The following NLGN1 variants were observed in gnomAD, a reference collection of about 807,000 sequenced individuals.
NLGN1 encodes neuroligin-1.
In NLGN1, 12 loss-of-function variants were observed where a neutral mutation model predicts 65.5. That is an observed-to-expected ratio of 0.18 (90% CI 0.12 to 0.30). The LOEUF (loss-of-function observed/expected upper bound fraction) is 0.30. NLGN1 is among the 10% of genes least tolerant of loss of function. The pLI, the probability that NLGN1 is intolerant of heterozygous loss-of-function variation, is 1.00. For synonymous variants in NLGN1, 350 were observed against 359.5 expected (o/e 0.97, Z 0.30); for missense variants, 750 against 1,007.1 (o/e 0.74, Z 3.46).
intron 4 of NLGN1, among the ~76,000 whole-genome samples, chr3:174,040,962 C>A (rs1579944685): frequency 6.6e-6 from 1 of 152,072 alleles, no homozygotes; most frequent in Non-Finnish European, 1.5e-5. Flanking sequence ...AACTATAATT[C>A]AATATTTTTT....
chr3:173,916,986 C>T (rs945109750), intron 4 of NLGN1, among the ~76,000 whole-genome samples: 1 of 152,140 alleles, frequency 6.6e-6, no homozygotes, highest in Admixed American at 6.6e-5. Flanking sequence ...CTTCAGACTA[C>T]AATTGCTGAA....
intron 4 of NLGN1, among the ~76,000 whole-genome samples, chr3:174,068,757 ATCT>A (rs1400080443): frequency 6.6e-6 from 1 of 152,198 alleles, no homozygotes; most frequent in East Asian, 1.9e-4. Flanking sequence ...AATCTCAATA[ATCT>A]TCTGCTTCAT....
intron 4 of NLGN1, among the ~76,000 whole-genome samples, chr3:174,042,625 C>A (rs1305884230): frequency 6.6e-6 from 1 of 152,180 alleles, no homozygotes; most frequent in Non-Finnish European, 1.5e-5. Flanking sequence ...AAAAATAATA[C>A]TATCAATTAC....
intron 3 of NLGN1, among the ~76,000 whole-genome samples, chr3:173,606,245 T>G (rs1177064679): frequency 6.6e-6 from 1 of 152,088 alleles, no homozygotes; most frequent in Non-Finnish European, 1.5e-5. Flanking sequence ...ATTTAAAACA[T>G]AGAGAAGTGC....
intron 2 of NLGN1, among the ~76,000 whole-genome samples, chr3:173,504,503 T>G (rs1009483617): frequency 6.6e-6 from 1 of 152,066 alleles, no homozygotes; most frequent in Non-Finnish European, 1.5e-5. Flanking sequence ...AAAGCACATA[T>G]CTTTCTGTTA....
chr3:173,545,055 T>G (rs1159049632), intron 2 of NLGN1, among the ~76,000 whole-genome samples: 1 of 139,036 alleles, frequency 7.2e-6, no homozygotes, highest in Non-Finnish European at 1.5e-5. Flanking sequence ...TGTGTGTGTG[T>G]GGTTGTTTTT....
chr3:173,545,968 T>G (rs1005375551), intron 2 of NLGN1, among the ~76,000 whole-genome samples: 1 of 151,984 alleles, frequency 6.6e-6, no homozygotes, highest in Non-Finnish European at 1.5e-5. Flanking sequence ...AGGGAAGGGA[T>G]AGCATTAGGA....
At chr3:173,661,395 G>A (rs9290476) in intron 3 of NLGN1, among the ~76,000 whole-genome samples, 30,046 of 151,806 alleles carry the variant, frequency 0.2, 3,160 homozygotes, top group Middle Eastern at 0.33. Context: ...CTCATAGGTG[G>A]GAGCATTTGG....
intron 4 of NLGN1, among the ~76,000 whole-genome samples, chr3:174,107,011 C>CAGAGAGAGAG (rs1194861514): frequency 1.7e-5 from 2 of 115,116 alleles, no homozygotes; most frequent in South Asian, 3.0e-4. Context: ...CACACACACA[C>CAGAGAGAGAG]ACACACAGAG....
At chr3:173,619,014 T>G (rs187634629) in intron 3 of NLGN1, among the ~76,000 whole-genome samples, 2 of 152,290 alleles carry the variant, frequency 1.3e-5, no homozygotes, top group East Asian at 3.9e-4. Context: ...ACAATCTTTT[T>G]TCACCGTCTT....
chr3:173,604,749 G>A, exon 3 of NLGN1: 2 of 1,613,778 alleles, frequency 1.2e-6, no homozygotes, highest in Non-Finnish European at 1.7e-6. Context: ...ATTGGATGAT[G>A]TGGACCCACT....
chr3:173,560,943 T>TATTA (rs1241541741), intron 2 of NLGN1, among the ~76,000 whole-genome samples: 1 of 152,208 alleles, frequency 6.6e-6, no homozygotes, highest in Non-Finnish European at 1.5e-5. Context: ...GAAGATCATA[T>TATTA]ATTACTATGT....
At chr3:173,597,842 C>T (rs2149422894) in intron 2 of NLGN1, among the ~76,000 whole-genome samples, 1 of 152,088 alleles carries the variant, frequency 6.6e-6, no homozygotes, top group East Asian at 1.9e-4. Flanking sequence ...ACTAATATCT[C>T]AAGGCACAGA....
At chr3:173,586,050 G>C (rs1234520764) in intron 2 of NLGN1, among the ~76,000 whole-genome samples, 1 of 152,078 alleles carries the variant, frequency 6.6e-6, no homozygotes, top group Non-Finnish European at 1.5e-5. Flanking sequence ...TGCATACAAA[G>C]AACTGATTTA....
intron 2 of NLGN1, among the ~76,000 whole-genome samples, chr3:173,460,289 A>C (rs540971421): frequency 1.3e-5 from 2 of 152,272 alleles, no homozygotes; most frequent in East Asian, 3.9e-4. Context: ...AGGAGGCAAC[A>C]TGCTTCATAA....
intron 2 of NLGN1, among the ~76,000 whole-genome samples, chr3:173,477,151 C>T (rs191246203): frequency 9.9e-5 from 15 of 151,982 alleles, no homozygotes; most frequent in Admixed American, 7.2e-4. Context: ...TTTCTAGTAA[C>T]AATGTAATGT....
At chr3:173,557,838 T>C (rs1319857789) in intron 2 of NLGN1, among the ~76,000 whole-genome samples, 1 of 152,150 alleles carries the variant, frequency 6.6e-6, no homozygotes, top group Non-Finnish European at 1.5e-5. Flanking sequence ...TTTACACATA[T>C]AGTTACCATA....
At chr3:173,785,911 A>G (rs1242375985) in intron 3 of NLGN1, among the ~76,000 whole-genome samples, 1 of 152,192 alleles carries the variant, frequency 6.6e-6, no homozygotes, top group Non-Finnish European at 1.5e-5. Context: ...TAAATTTTAT[A>G]CATATATGTA....
chr3:173,909,716 G>A (rs532016728), intron 4 of NLGN1, among the ~76,000 whole-genome samples: 1 of 152,146 alleles, frequency 6.6e-6, no homozygotes, highest in African/African-American at 2.4e-5. Flanking sequence ...TCTTGCTCTT[G>A]TTGCCCAGGC....
Sources: allele counts gnomAD v4.1 joint callset (sites outside exome capture counted in the v4.1 genomes callset), GRCh38; gene constraint gnomAD v4.1.1; transcripts MANE v1.5; gene names NCBI Gene and HGNC (gene_info 2026-07-23, HGNC 2026-07-21).